PDE7A: variants seen among roughly 807,000 people sequenced by gnomAD.
PDE7A encodes high affinity 3',5'-cyclic-AMP phosphodiesterase 7A.
In PDE7A, 39 loss-of-function variants were observed where a neutral mutation model predicts 64.3. That is an observed-to-expected ratio of 0.61 (90% CI 0.47 to 0.79). The LOEUF is 0.79. PDE7A is among the 30% of genes least tolerant of loss of function. PDE7A has a pLI of 0.00. For missense variants in PDE7A, 470 were observed against 582.8 expected (o/e 0.81, Z 1.99); for synonymous variants, 203 against 206.8 (o/e 0.98, Z 0.16).
At chr8:65,797,282 T>C (rs1278468143) in intron 1 of PDE7A, among the ~76,000 whole-genome samples, 1 of 152,188 alleles carries the variant, frequency 6.6e-6, no homozygotes, top group African/African-American at 2.4e-5. Context: ...GATGAGGGCA[T>C]ACTGGGTTAG....
At chr8:65,822,577 T>C (rs530480152) in intron 1 of PDE7A, among the ~76,000 whole-genome samples, 1 of 152,210 alleles carries the variant, frequency 6.6e-6, no homozygotes, top group South Asian at 2.1e-4. Flanking sequence ...GCACATATTC[T>C]AACCAAACAT....
At chr8:65,817,761 T>G (rs2128931476) in intron 1 of PDE7A, among the ~76,000 whole-genome samples, 1 of 151,680 alleles carries the variant, frequency 6.6e-6, no homozygotes, top group East Asian at 1.9e-4. Context: ...TGTTTTTTTT[T>G]TTTTTTTTCG....
intron 1 of PDE7A, among the ~76,000 whole-genome samples, chr8:65,802,379 A>C (rs541750105): frequency 1.6e-3 from 238 of 152,376 alleles, no homozygotes; most frequent in Middle Eastern, 3.4e-3. Context: ...AAAAGAAAAA[A>C]GTATTTTCAT....
At chr8:65,810,273 C>T (rs574677510) in intron 1 of PDE7A, among the ~76,000 whole-genome samples, 2 of 151,104 alleles carry the variant, frequency 1.3e-5, no homozygotes, top group South Asian at 2.1e-4. Context: ...CGCATGTTCT[C>T]ACTCATAGGT....
At chr8:65,792,453 C>A (rs1809726666) in intron 1 of PDE7A, among the ~76,000 whole-genome samples, 1 of 152,226 alleles carries the variant, frequency 6.6e-6, no homozygotes, top group Admixed American at 6.5e-5. Flanking sequence ...CTGCCACTCA[C>A]AGGACACCTG....
rs781358827 is a variant in PDE7A, at chr8:65,727,231, T to C, written c.767A>G (p.His256Arg). Residue 256 changes from histidine to arginine, a missense_variant, in exon 8 of 13, where the codon CAT becomes CGT. Coordinates refer to ENST00000401827, the MANE Select transcript of PDE7A (RefSeq NM_001242318.3). Reference protein sequence around the residue: ...LIAAATHDLDHPGVNQPFLIK... With the variant: ...LIAAATHDLDRPGVNQPFLIK... The stretch of plus-strand genomic sequence containing the variant: ...AAGGAAAGGTTGATTAACACCTGGA[T>C]GATCCAGATCATGAGTGGCAGCTGC... 6.2e-7 allele frequency: 1 copy of C among 1,613,964 alleles called. No individual in the cohort carries two copies. Among genetic ancestry groups the C allele is most frequent in the Non-Finnish European group, 8.5e-7 (1 of 1,179,856 alleles).
chr8:65,817,101 T>C (rs1394697373), intron 1 of PDE7A, among the ~76,000 whole-genome samples: 2 of 152,244 alleles, frequency 1.3e-5, no homozygotes, highest in Non-Finnish European at 2.9e-5. Flanking sequence ...CGAGCCCCTC[T>C]AGTGAATTTT....
chr8:65,817,981 T>C (rs1379436670), intron 1 of PDE7A, among the ~76,000 whole-genome samples: 2 of 152,116 alleles, frequency 1.3e-5, no homozygotes, highest in African/African-American at 4.8e-5. Context: ...CTCAATCTCC[T>C]GACCTCGTGA....
intron 3 of PDE7A, among the ~76,000 whole-genome samples, chr8:65,768,064 C>T (rs1808883128): frequency 6.6e-6 from 1 of 152,086 alleles, no homozygotes; most frequent in Non-Finnish European, 1.5e-5. Flanking sequence ...AGAGGACACC[C>T]AGTTGGTGTC....
intron 9 of PDE7A, among the ~76,000 whole-genome samples, chr8:65,725,776 CTG>C (rs1236760946): frequency 6.6e-6 from 1 of 152,000 alleles, no homozygotes; most frequent in Non-Finnish European, 1.5e-5. Context: ...TTTATTAAAT[CTG>C]AGAACTCAAC....
chr8:65,722,265 T>C (rs1044213898), intron 12 of PDE7A: 4 of 152,164 alleles, frequency 2.6e-5, no homozygotes, highest in African/African-American at 9.7e-5. Flanking sequence ...TCCCTCACAC[T>C]CCTAAAGTCT....
At position 65,716,877 on chromosome 8, in the gene PDE7A, T is replaced by C. The variant is rs1465130748; in HGVS notation, c.*2413A>G. Among the ~76,000 whole-genome samples the C allele has an allele frequency of 1.3e-5, 2 of 152,114 alleles. No homozygotes were observed. The highest frequency in any genetic ancestry group is 4.8e-5 in the African/African-American group (2 of 41,398). On this transcript the variant is annotated 3_prime_UTR_variant, in exon 13 of 13. Transcript: ENST00000401827. ...GAGAGTGACCAGCTGACCATATTCCTCTACTACCCTCAGACCTCTATACCC... is the reference window on the plus strand; with the variant it reads ...GAGAGTGACCAGCTGACCATATTCCCCTACTACCCTCAGACCTCTATACCC...
At chr8:65,794,425 A>AG (rs1292626733) in intron 1 of PDE7A, among the ~76,000 whole-genome samples, 5 of 151,712 alleles carry the variant, frequency 3.3e-5, no homozygotes, top group African/African-American at 9.7e-5. Context: ...TTTGTAGGTG[A>AG]GGGAAAAAAA....
At chr8:65,744,235 C>CAAAAA (rs1807571719) in intron 5 of PDE7A, among the ~76,000 whole-genome samples, 1 of 146,754 alleles carries the variant, frequency 6.8e-6, no homozygotes. Context: ...CAAAACAAAA[C>CAAAAA]AACAAAAAAA....
chr8:65,838,205 T>C (rs1810995161), intron 1 of PDE7A, among the ~76,000 whole-genome samples: 1 of 152,196 alleles, frequency 6.6e-6, no homozygotes, highest in Non-Finnish European at 1.5e-5. Flanking sequence ...CTCACTCAAC[T>C]TTCACATCTA....
At chr8:65,821,120 G>T (rs1810531157) in intron 1 of PDE7A, among the ~76,000 whole-genome samples, 1 of 151,820 alleles carries the variant, frequency 6.6e-6, no homozygotes, top group South Asian at 2.1e-4. Flanking sequence ...GCCTTAACCA[G>T]TAAGACTACC....
At chr8:65,798,206 A>ATATATATATATT in intron 1 of PDE7A, among the ~76,000 whole-genome samples, 9 of 73,808 alleles carry the variant, frequency 1.2e-4, no homozygotes, top group African/African-American at 4.1e-4. Flanking sequence ...ATATATATAT[A>ATATATATATATT]TTTTTTTTTT....
chr8:65,802,739 C>A (rs1229575550), intron 1 of PDE7A, among the ~76,000 whole-genome samples: 3 of 152,214 alleles, frequency 2.0e-5, no homozygotes, highest in African/African-American at 4.8e-5. Flanking sequence ...AATCATCTCT[C>A]TTTAACTAGT....
At chr8:65,831,820 G>T (rs1229137100) in intron 1 of PDE7A, among the ~76,000 whole-genome samples, 1 of 152,090 alleles carries the variant, frequency 6.6e-6, no homozygotes, top group Non-Finnish European at 1.5e-5. Context: ...AAAGATCTGG[G>T]TCCAAATACA....
Sources: allele counts gnomAD v4.1 joint callset (sites outside exome capture counted in the v4.1 genomes callset), GRCh38; gene constraint gnomAD v4.1.1; transcripts MANE v1.5; gene names NCBI Gene and HGNC (gene_info 2026-07-23, HGNC 2026-07-21).